The following RYR3 variants were observed in gnomAD, a reference collection of about 807,000 sequenced individuals.
RYR3 encodes brain ryanodine receptor-calcium release channel.
A neutral mutation model predicts 584.3 loss-of-function variants in RYR3; 207 were observed. The ratio of observed to expected loss-of-function variants is 0.35; its 90% CI spans 0.32 to 0.40. The LOEUF is 0.40. Ranked by LOEUF, RYR3 falls within the 10% of genes least tolerant of loss-of-function variation. RYR3 has a pLI of 1.00. For synonymous variants in RYR3, 2,416 were observed against 2,248.5 expected (o/e 1.07, Z -2.11); for missense variants, 5,616 against 6,089.2 (o/e 0.92, Z 2.59).
In RYR3 at chr15:33,550,293, G is replaced by A. The variant is rs1326359705; in HGVS notation, c.949G>A (p.Ala317Thr). The change falls in exon 10 of 104, where the codon GCT becomes ACT. Residue 317 changes from alanine to threonine, a missense_variant. Coordinates refer to ENST00000634891, the MANE Select transcript of RYR3 (RefSeq NM_001036.6). ...GGCAAAGTCAGACACCAAGTCCACA[G>A]CTTTCTCTTTCCGGGCATCAAAGGT... ...DRAKSDTKST[A>T]FSFRASKELK... 6.2e-7 allele frequency: 1 copy of A among 1,613,328 alleles called. No individual in the cohort carries two copies. The highest frequency in any genetic ancestry group is 1.7e-5 in the Admixed American group (1 of 59,946).
Position 33,649,885 on chromosome 15 carries a change from A to C in RYR3, c.4142+650A>C, listed in dbSNP as rs1159946605. ...TGTGGTTTCCATCTGTTCCCCACCT[A>C]CGTGAGGTACAGGAGCATCTTTTCC... On this transcript the variant is annotated intron_variant, in intron 31 of 103. Transcript: ENST00000634891. 2.0e-5 allele frequency among the ~76,000 whole-genome samples: 3 copies of C among 152,302 alleles called. No individual in the cohort carries two copies. In the South Asian group the frequency reaches 6.2e-4, roughly 32 times the overall value.
At chr15:33,449,496 G>A (rs995685114) in intron 1 of RYR3, among the ~76,000 whole-genome samples, 5 of 152,196 alleles carry the variant, frequency 3.3e-5, no homozygotes, top group Admixed American at 3.3e-4. Context: ...GCTCCAGGAG[G>A]CAGGAATCAC....
chr15:33,313,271 C>T (rs1391717678), intron 1 of RYR3, among the ~76,000 whole-genome samples: 2 of 152,170 alleles, frequency 1.3e-5, no homozygotes, highest in Non-Finnish European at 2.9e-5. Flanking sequence ...TTGAACATAG[C>T]TGTTGACAAG....
intron 59 of RYR3, among the ~76,000 whole-genome samples, 182 bp downstream of exon 59, chr15:33,756,555 G>A (rs1347718514): frequency 1.3e-5 from 2 of 152,104 alleles, no homozygotes; most frequent in Admixed American, 6.6e-5. Flanking sequence ...GATGCAGTCT[G>A]CCTAGCCCCA....
intron 1 of RYR3, among the ~76,000 whole-genome samples, chr15:33,369,351 C>T (rs1177740902): frequency 6.6e-6 from 1 of 152,196 alleles, no homozygotes; most frequent in East Asian, 1.9e-4. Context: ...CACTCCTCCA[C>T]CAAATTACCT....
intron 65 of RYR3, among the ~76,000 whole-genome samples, chr15:33,783,202 A>G (rs1337750086): frequency 6.6e-6 from 1 of 152,176 alleles, no homozygotes; most frequent in African/African-American, 2.4e-5. Flanking sequence ...TAATGCAGTA[A>G]GTCAGTTTGG....
intron 1 of RYR3, among the ~76,000 whole-genome samples, chr15:33,320,448 C>A (rs1207728927): frequency 2.6e-5 from 4 of 152,164 alleles, no homozygotes; most frequent in African/African-American, 9.7e-5. Flanking sequence ...CAGCCTTAAA[C>A]AAGTTACTGG....
intron 1 of RYR3, among the ~76,000 whole-genome samples, chr15:33,415,463 T>C (rs1433128464): frequency 6.6e-6 from 1 of 151,896 alleles, no homozygotes; most frequent in Non-Finnish European, 1.5e-5. Flanking sequence ...ATGTTCCACA[T>C]ACTCAGCAGC....
At chr15:33,543,910 A>G (rs962165939) in intron 8 of RYR3, among the ~76,000 whole-genome samples, 195 bp downstream of exon 8, 8 of 152,164 alleles carry the variant, frequency 5.3e-5, no homozygotes, top group African/African-American at 1.9e-4. Context: ...CTCTGTACAC[A>G]TGCTGTTCTT....
At chr15:33,513,581 T>G (rs2053228541) in intron 3 of RYR3, among the ~76,000 whole-genome samples, 1 of 152,264 alleles carries the variant, frequency 6.6e-6, no homozygotes, top group Non-Finnish European at 1.5e-5. Context: ...GAAGGCAGAA[T>G]GCTTCTGCTT....
intron 1 of RYR3, among the ~76,000 whole-genome samples, chr15:33,434,662 C>T (rs946608999): frequency 1.3e-5 from 2 of 152,128 alleles, no homozygotes; most frequent in African/African-American, 2.4e-5. Context: ...GCTAAAGTAA[C>T]AGGGTATTAC....
rs924191108 is a variant in RYR3, at chr15:33,818,492, C to A, written c.10600-86C>A. 1.6e-5 allele frequency: 15 copies of A among 930,512 alleles called. No individual in the cohort carries two copies. The Middle Eastern group carries it at 1.1e-3, about 70-fold the overall frequency. The allele number at this position is 930,512 out of a possible 1,614,324, so 57.6% of individuals were successfully genotyped here. A position where few individuals can be genotyped will look rare whatever the true frequency, so the allele number is the denominator to read the frequency against. Reference sequence around the variant, plus strand: ...TTAGTCTGATGCACTCTGTGCCTTGCGCTTTACCTTCTCTTTGTTCGCATG... The same window carrying A: ...TTAGTCTGATGCACTCTGTGCCTTGAGCTTTACCTTCTCTTTGTTCGCATG... On this transcript the variant is annotated intron_variant, in intron 75 of 103. Coordinates refer to ENST00000634891, the MANE Select transcript of RYR3 (RefSeq NM_001036.6).
intron 32 of RYR3, among the ~76,000 whole-genome samples, chr15:33,657,180 A>T (rs769464463): frequency 4.6e-5 from 7 of 152,148 alleles, no homozygotes; most frequent in African/African-American, 7.2e-5. Context: ...TGCGTGGTGG[A>T]AAATAAACCT....
Position 33,838,779 on chromosome 15 carries a change from T to C in RYR3, c.12799T>C (p.Phe4267Leu), listed in dbSNP as rs758142441. The change falls in exon 89 of 104, where the codon TTC becomes CTC. Residue 4267 changes from phenylalanine to leucine, a missense_variant. Phe to Leu is a conservative substitution (Grantham distance 22). This residue lies in a region of RYR3 where 918 missense variants were observed against 887.4 expected (regional missense o/e 1.03). Coordinates refer to ENST00000634891, the MANE Select transcript of RYR3 (RefSeq NM_001036.6). ...EPGITTELVH[F>L]IKGEKGDTDI... ...AGGTATCACCACTGAACTAGTACAC[T>C]TCATAAAGGGGGAGAAGGGAGATAC... is the stretch of plus-strand genomic sequence containing the variant. 2 of 1,613,718 alleles carry C rather than the reference T, an allele frequency of 1.2e-6. No homozygotes were observed. Among genetic ancestry groups the C allele is most frequent in the African/African-American group, 2.7e-5 (2 of 74,942 alleles).
intron 1 of RYR3, among the ~76,000 whole-genome samples, chr15:33,354,255 CTG>C (rs1973665268): frequency 6.6e-6 from 1 of 152,212 alleles, no homozygotes; most frequent in South Asian, 2.1e-4. Flanking sequence ...CAAGAAACCA[CTG>C]TGAAAGAACC....
rs1331600394 is a variant in RYR3 at position 33,739,708 on chromosome 15, C to T, written c.7657-124C>T. On this transcript the variant is annotated intron_variant, in intron 50 of 103. Coordinates refer to ENST00000634891, the MANE Select transcript of RYR3 (RefSeq NM_001036.6). ...AAATATTTAAGGGGTTACACATTTC[C>T]CGTTTTGGTTAACCTGGATAAATGC... 17 of 700,430 alleles carry T rather than the reference C, an allele frequency of 2.4e-5. No individual in the cohort carries two copies. The East Asian group carries it at 3.6e-4, about 15-fold the overall frequency. The allele number at this position is 700,430 out of a possible 1,614,324, so 43.4% of individuals were successfully genotyped here. A position where few individuals can be genotyped will look rare whatever the true frequency, so the allele number is the denominator to read the frequency against.
chr15:33,557,428 A>C (rs778750156), intron 10 of RYR3, among the ~76,000 whole-genome samples: 3 of 152,292 alleles, frequency 2.0e-5, no homozygotes, highest in Admixed American at 6.5e-5. Flanking sequence ...CTCAATTGCC[A>C]GGCTGGAGTG....
chr15:33,853,668 T>G lies in RYR3; in HGVS notation c.13785T>G (p.Ala4595=). The G allele has an allele frequency of 6.2e-7, 1 of 1,613,736 alleles. No individual in the cohort carries two copies. Among genetic ancestry groups the G allele is most frequent in the Non-Finnish European group, 8.5e-7 (1 of 1,179,788 alleles). Residue 4595 remains alanine (A), a synonymous_variant, in exon 96 of 104, where the codon GCT becomes GCG. Transcript: ENST00000634891. Reference sequence around the variant, plus strand: ...TAGAAGAGACCAAAGCAGAAGCGGCTTCTCTGGTGTCATGGTACAAAAAGC... The same window carrying G: ...TAGAAGAGACCAAAGCAGAAGCGGCGTCTCTGGTGTCATGGTACAAAAAGC... ...SPVEETKAEA[A]SLVSWLSSID...
At chr15:33,627,046 C>A (rs2061027827) in intron 20 of RYR3, among the ~76,000 whole-genome samples, 1 of 152,090 alleles carries the variant, frequency 6.6e-6, no homozygotes, top group Admixed American at 6.6e-5. Context: ...CCTCTGGACT[C>A]TAGAATAGTA....
Sources: gnomAD v4.1 joint callset for allele counts (sites outside exome capture counted in the v4.1 genomes callset) on GRCh38, gnomAD v4.1.1 for gene constraint, gnomAD v4.1.1 regional missense constraint, MANE v1.5 for transcripts, NCBI Gene and HGNC (gene_info 2026-07-23, HGNC 2026-07-21) for gene names.